Variants in SYNPR observed in about 807,000 individuals in gnomAD.
The protein encoded by SYNPR is synaptoporin.
In SYNPR, 23 loss-of-function variants were observed where a neutral mutation model predicts 32.9. The observed-to-expected ratio is 0.70, with a 90% CI of 0.50 to 0.99. The LOEUF (loss-of-function observed/expected upper bound fraction) is 0.99. Among genes scored for constraint, SYNPR ranks in the 50% least tolerant of loss-of-function variants. The pLI is 0.00. For synonymous variants in SYNPR, 146 were observed against 135.9 expected (o/e 1.07, Z -0.52); for missense variants, 318 against 349.3 (o/e 0.91, Z 0.71).
At chr3:63,363,061 T>C (rs1315977620) in intron 2 of SYNPR, among the ~76,000 whole-genome samples, 2 of 152,200 alleles carry the variant, frequency 1.3e-5, no homozygotes, top group East Asian at 3.9e-4. Context: ...TGGTAGCAAA[T>C]AGTACTTTTG....
At chr3:63,516,516 T>C (rs1015515060) in intron 3 of SYNPR, among the ~76,000 whole-genome samples, 15 of 152,188 alleles carry the variant, frequency 9.9e-5, no homozygotes, top group African/African-American at 3.6e-4. Flanking sequence ...AGAATATTAA[T>C]GCTCCTTGAC....
At chr3:63,540,659 G>A (rs999535871) in intron 3 of SYNPR, among the ~76,000 whole-genome samples, 1 of 151,964 alleles carries the variant, frequency 6.6e-6, no homozygotes, top group Non-Finnish European at 1.5e-5. Flanking sequence ...CCCTTGCTAT[G>A]CAGTAAGGCA....
At chr3:63,586,716 T>C (rs1703191369) in intron 4 of SYNPR, among the ~76,000 whole-genome samples, 1 of 150,374 alleles carries the variant, frequency 6.7e-6, no homozygotes, top group Non-Finnish European at 1.5e-5. Context: ...AATATATATA[T>C]ACTAATAAGT....
At chr3:63,329,667 C>T (rs952687894) in intron 2 of SYNPR, among the ~76,000 whole-genome samples, 1 of 152,216 alleles carries the variant, frequency 6.6e-6, no homozygotes, top group Non-Finnish European at 1.5e-5. Context: ...TCCCCTTCAA[C>T]TCACGAATGT....
At position 63,351,838 on chromosome 3, in the gene SYNPR, T is replaced by TG. The variant is rs140562359; in HGVS notation, c.84+73101dup. ...GTCCTGGAACTTAAGAAGTTCTAAG[T>TG]GGGGGAGAGATAAAAGAAGTAGTGA... On this transcript the variant is annotated intron_variant, in intron 2 of 5. Transcript: ENST00000478300. 9.4e-3 allele frequency among the ~76,000 whole-genome samples: 1,424 copies of TG among 152,112 alleles called. 33 individuals carry two copies. Among genetic ancestry groups the TG allele is most frequent in the African/African-American group, 0.033 (1,372 of 41,496 alleles).
chr3:63,509,421 C>A (rs1002846870), intron 3 of SYNPR, among the ~76,000 whole-genome samples: 4 of 151,540 alleles, frequency 2.6e-5, no homozygotes, highest in Admixed American at 2.0e-4. Flanking sequence ...AAAAATAAAT[C>A]TTTTCTAAGG....
chr3:63,605,110 T>G (rs1700098704), intron 4 of SYNPR, among the ~76,000 whole-genome samples: 1 of 152,150 alleles, frequency 6.6e-6, no homozygotes, highest in South Asian at 2.1e-4. Context: ...GGAACTGACA[T>G]CTTATGGGAA....
intron 2 of SYNPR, among the ~76,000 whole-genome samples, chr3:63,313,704 C>CATATATATATCCAT (rs1560188612): frequency 9.5e-5 from 3 of 31,582 alleles, no homozygotes; most frequent in African/African-American, 4.0e-4. Flanking sequence ...TATATATATC[C>CATATATATATCCAT]ATATATATAT....
At chr3:63,480,015 CT>C (rs1366730346) in intron 2 of SYNPR, among the ~76,000 whole-genome samples, 1 of 152,308 alleles carries the variant, frequency 6.6e-6, no homozygotes, top group South Asian at 2.1e-4. Context: ...CCAAGAAATT[CT>C]TTTGAGCTTA....
intron 3 of SYNPR, among the ~76,000 whole-genome samples, chr3:63,498,731 C>A (rs1041452926): frequency 2.3e-4 from 35 of 152,076 alleles, no homozygotes; most frequent in African/African-American, 4.1e-4. Context: ...TGCAGTGAGG[C>A]GGGGAGGAGC....
intron 2 of SYNPR, among the ~76,000 whole-genome samples, chr3:63,376,886 C>T (rs543868508): frequency 1.3e-5 from 2 of 152,164 alleles, no homozygotes; most frequent in South Asian, 2.1e-4. Flanking sequence ...AAGAACCATA[C>T]CTGTTTTATT....
At chr3:63,590,541 C>T in intron 4 of SYNPR, among the ~76,000 whole-genome samples, 2 of 49,676 alleles carry the variant, frequency 4.0e-5, no homozygotes, top group African/African-American at 8.5e-5. Context: ...CATCACACTA[C>T]CTGACTTCAA....
At chr3:63,481,831 G>A (rs1701054416) in intron 3 of SYNPR, among the ~76,000 whole-genome samples, 1 of 152,084 alleles carries the variant, frequency 6.6e-6, no homozygotes, top group Non-Finnish European at 1.5e-5. Flanking sequence ...CAGGATCTAG[G>A]ACAGGAGATG....
intron 2 of SYNPR, among the ~76,000 whole-genome samples, chr3:63,333,300 T>G (rs1168531252): frequency 6.6e-6 from 1 of 150,618 alleles, no homozygotes; most frequent in Non-Finnish European, 1.5e-5. Flanking sequence ...GCTCCCTCTC[T>G]GGGGTCATCT....
chr3:63,318,231 C>A (rs2087065152), intron 2 of SYNPR, among the ~76,000 whole-genome samples: 1 of 151,944 alleles, frequency 6.6e-6, no homozygotes, highest in Non-Finnish European at 1.5e-5. Flanking sequence ...GACAATGTGC[C>A]TAGGCAAAGA....
chr3:63,361,601 A>G (rs536994377), intron 2 of SYNPR, among the ~76,000 whole-genome samples: 7 of 148,856 alleles, frequency 4.7e-5, no homozygotes, highest in African/African-American at 1.7e-4. Flanking sequence ...CTGTCTCCAA[A>G]AAAAAAAAAA....
At chr3:63,402,921 T>C (rs2088311774) in intron 2 of SYNPR, among the ~76,000 whole-genome samples, 1 of 152,128 alleles carries the variant, frequency 6.6e-6, no homozygotes, top group Non-Finnish European at 1.5e-5. Flanking sequence ...TTCTGAAACA[T>C]GAAGATTCTC....
intron 4 of SYNPR, among the ~76,000 whole-genome samples, chr3:63,582,914 T>G (rs1474791334): frequency 6.6e-6 from 1 of 152,048 alleles, no homozygotes; most frequent in Non-Finnish European, 1.5e-5. Context: ...CATGTAAGTG[T>G]CACGCGTGTC....
chr3:63,582,845 T>G (rs1270713255), intron 4 of SYNPR, among the ~76,000 whole-genome samples: 1 of 152,080 alleles, frequency 6.6e-6, no homozygotes, highest in African/African-American at 2.4e-5. Flanking sequence ...TATTTTCACC[T>G]GTTCATTGAT....
Sources: gnomAD v4.1 joint callset for allele counts (sites outside exome capture counted in the v4.1 genomes callset) on GRCh38, gnomAD v4.1.1 for gene constraint, MANE v1.5 for transcripts, NCBI Gene and HGNC (gene_info 2026-07-23, HGNC 2026-07-21) for gene names.